The following PRKD1 variants were observed in gnomAD, a reference collection of about 807,000 sequenced individuals.
The protein encoded by PRKD1 is serine/threonine-protein kinase D1.
PRKD1 carries 63 observed loss-of-function variants against 95.9 expected under a neutral mutation model. That is an observed-to-expected ratio of 0.66 (90% CI 0.54 to 0.81). The LOEUF (loss-of-function observed/expected upper bound fraction) is 0.81. Ranked by LOEUF, PRKD1 falls within the 30% of genes least tolerant of loss-of-function variation. The probability of loss-of-function intolerance (pLI) is 0.00; values close to 1 mark genes in which losing one functional copy is unlikely to be tolerated. For synonymous variants in PRKD1, 425 were observed against 423.1 expected (o/e 1.00, Z -0.05); for missense variants, 1,048 against 1,165.3 (o/e 0.90, Z 1.47).
At chr14:29,901,141 G>A (rs1398124780) in intron 1 of PRKD1, among the ~76,000 whole-genome samples, 1 of 152,138 alleles carries the variant, frequency 6.6e-6, no homozygotes, top group African/African-American at 2.4e-5. Context: ...TTTACACCAT[G>A]GAATATTACA....
At chr14:29,755,227 C>T (rs1594487265) in intron 1 of PRKD1, among the ~76,000 whole-genome samples, 2 of 152,208 alleles carry the variant, frequency 1.3e-5, no homozygotes, top group South Asian at 2.1e-4. Flanking sequence ...TAATTAGAGG[C>T]TTATCTCTCC....
chr14:29,609,112 T>C (rs964517168), intron 13 of PRKD1, among the ~76,000 whole-genome samples: 10 of 152,168 alleles, frequency 6.6e-5, no homozygotes, highest in African/African-American at 2.4e-4. Context: ...TCAGAAATTC[T>C]CAGATCACTC....
chr14:29,826,591 A>G (rs1010398982), intron 1 of PRKD1, among the ~76,000 whole-genome samples: 5 of 128,746 alleles, frequency 3.9e-5, no homozygotes, highest in African/African-American at 8.5e-5. Context: ...TATATGATGA[A>G]AATATATATA....
At chr14:29,718,123 C>T (rs1319390104) in intron 2 of PRKD1, among the ~76,000 whole-genome samples, 6 of 152,120 alleles carry the variant, frequency 3.9e-5, no homozygotes, top group African/African-American at 1.4e-4. Flanking sequence ...TAGTGTGGCA[C>T]AAAGAAATTA....
rs770544786 is a variant in PRKD1, at chr14:29,630,694, G to T, written c.1672+48C>A. On this transcript the variant is annotated intron_variant, in intron 10 of 17. Coordinates refer to ENST00000331968, the MANE Select transcript of PRKD1 (RefSeq NM_002742.3). The stretch of plus-strand genomic sequence containing the variant: ...AGGGCACATGTTTACTAAGCAAGGG[G>T]TAGGCACATGATGAGCTTTGGGCTG... 5.0e-6 allele frequency: 8 copies of T among 1,610,372 alleles called. No homozygotes were observed. In the East Asian group the frequency reaches 1.6e-4, roughly 31 times the overall value.
chr14:29,710,584 AGAG>A (rs1323641764), intron 2 of PRKD1, among the ~76,000 whole-genome samples: 2 of 152,152 alleles, frequency 1.3e-5, no homozygotes, highest in South Asian at 2.1e-4. Context: ...CCAACAGAGC[AGAG>A]GAGACTTTGA....
At chr14:29,926,313 T>C (rs938449559) in intron 1 of PRKD1, among the ~76,000 whole-genome samples, 3 of 152,228 alleles carry the variant, frequency 2.0e-5, no homozygotes, top group Non-Finnish European at 1.5e-5. Flanking sequence ...TCTCCACTCC[T>C]GAAACGCTGG....
chr14:29,624,763 A>C (rs2139092344), intron 12 of PRKD1, among the ~76,000 whole-genome samples: 1 of 152,294 alleles, frequency 6.6e-6, no homozygotes, highest in South Asian at 2.1e-4. Context: ...ATTGGATGAA[A>C]GGAGGCATGT....
At chr14:29,665,973 T>C in intron 3 of PRKD1, 104 bp downstream of exon 3, 3 of 1,306,714 alleles carry the variant, frequency 2.3e-6, no homozygotes, top group Non-Finnish European at 3.1e-6. Context: ...ACTCATTGGT[T>C]GATGGGCACT....
intron 1 of PRKD1, among the ~76,000 whole-genome samples, chr14:29,914,477 G>A (rs1275648406): frequency 2.0e-5 from 3 of 152,178 alleles, no homozygotes; most frequent in African/African-American, 4.8e-5. Context: ...AAAGCAGGCC[G>A]GGCACAGTGG....
Position 29,666,081 on chromosome 14 carries a change from A to C in PRKD1, c.531T>G (p.Cys177Trp), listed in dbSNP as rs201650185. ...CATGGGAAGAAAATAACTTACCTTC[A>C]CATTTAAGACCTTGACGTACCAGCC... Reference protein sequence around the residue: ...LWGLVRQGLKCEGCGLNYHKR... With the variant: ...LWGLVRQGLKWEGCGLNYHKR... Residue 177 changes from cysteine (C) to tryptophan (W), a missense_variant, in exon 3 of 18, where the codon TGT becomes TGG. By Grantham distance (215) the Cys-to-Trp change is radical. Coordinates refer to ENST00000331968, the MANE Select transcript of PRKD1 (RefSeq NM_002742.3). 2.5e-6 allele frequency: 4 copies of C among 1,580,684 alleles called. No homozygotes were observed. The highest frequency in any genetic ancestry group is 3.5e-6 in the Non-Finnish European group (4 of 1,157,400).
intron 1 of PRKD1, among the ~76,000 whole-genome samples, chr14:29,739,367 C>G (rs1459413738): frequency 1.3e-5 from 2 of 151,262 alleles, no homozygotes; most frequent in Non-Finnish European, 2.9e-5. Flanking sequence ...TTAGACCTCT[C>G]TTTTTTTTTA....
At chr14:29,804,575 T>C (rs1890160367) in intron 1 of PRKD1, among the ~76,000 whole-genome samples, 1 of 123,054 alleles carries the variant, frequency 8.1e-6, no homozygotes, top group African/African-American at 3.1e-5. Context: ...ACTTTACCCA[T>C]ACACAATCCA....
At chr14:29,624,053 A>C in intron 13 of PRKD1, 99 bp downstream of exon 13, 1 of 824,304 alleles carries the variant, frequency 1.2e-6, no homozygotes, top group Non-Finnish European at 1.9e-6. Context: ...GTTCCAAAAT[A>C]TTTATGCCAC....
intron 13 of PRKD1, among the ~76,000 whole-genome samples, chr14:29,612,640 T>G (rs1366412855): frequency 2.0e-5 from 3 of 152,236 alleles, no homozygotes; most frequent in Non-Finnish European, 4.4e-5. Flanking sequence ...GAATATCTAT[T>G]TGGAAAATTT....
At chr14:29,924,825 C>T (rs144809207) in intron 1 of PRKD1, among the ~76,000 whole-genome samples, 1 of 152,270 alleles carries the variant, frequency 6.6e-6, no homozygotes, top group East Asian at 1.9e-4. Context: ...CACTGACACT[C>T]TGCCATTCCT....
intron 2 of PRKD1, among the ~76,000 whole-genome samples, chr14:29,678,774 A>G (rs535258832): frequency 1.8e-4 from 28 of 152,362 alleles, no homozygotes; most frequent in African/African-American, 5.8e-4. Context: ...TGATAAAAAA[A>G]TGCATTTTAA....
intron 13 of PRKD1, among the ~76,000 whole-genome samples, chr14:29,622,414 T>A (rs899445480): frequency 2.6e-4 from 32 of 122,316 alleles, no homozygotes; most frequent in African/African-American, 7.2e-4. Flanking sequence ...TTTTATTATT[T>A]TTTTTTTTTT....
At chr14:29,756,257 A>G (rs944736056) in intron 1 of PRKD1, among the ~76,000 whole-genome samples, 6 of 152,158 alleles carry the variant, frequency 3.9e-5, no homozygotes, top group African/African-American at 1.4e-4. Flanking sequence ...GTACCAAGCT[A>G]TGTTTAAAAA....
Sources: gnomAD v4.1 joint callset for allele counts (sites outside exome capture counted in the v4.1 genomes callset) on GRCh38, gnomAD v4.1.1 for gene constraint, MANE v1.5 for transcripts, NCBI Gene and HGNC (gene_info 2026-07-23, HGNC 2026-07-21) for gene names.